MYO16: variants seen among roughly 807,000 people sequenced by gnomAD.
The protein encoded by MYO16 is myosin XVI.
Under a neutral mutation model 205.3 loss-of-function variants are expected in MYO16, and 94 were observed. The ratio of observed to expected loss-of-function variants is 0.46; its 90% CI spans 0.39 to 0.54. MYO16 has a LOEUF of 0.54. Among genes scored for constraint, MYO16 ranks in the 20% least tolerant of loss-of-function variants. MYO16 has a pLI of 0.00. For synonymous variants in MYO16, 988 were observed against 954.0 expected, an observed-to-expected ratio of 1.04 and a Z score of -0.66; for missense variants, 2,315 against 2,387.5, an observed-to-expected ratio of 0.97 and a Z score of 0.63.
At chr13:108,725,385 A>G (rs1304931374) in intron 3 of MYO16, among the ~76,000 whole-genome samples, 3 of 151,980 alleles carry the variant, frequency 2.0e-5, no homozygotes, top group Admixed American at 6.6e-5. Context: ...CTTGTTGGGT[A>G]TTCAATATTT....
rs117127410 is a variant in MYO16 at position 108,610,668 on chromosome 13, C to T, written c.-39+14429C>T. ...CTGCCATTTATAGTAAATCCTCCTTCTTATATTTGCTTTATTCTTGGCTGC... is the reference window on the plus strand; with the variant it reads ...CTGCCATTTATAGTAAATCCTCCTTTTTATATTTGCTTTATTCTTGGCTGC... On this transcript the variant is annotated intron_variant, in intron 1 of 24. Transcript: ENST00000251041. Among the ~76,000 whole-genome samples, 48 of 152,312 alleles carry T rather than the reference C, an allele frequency of 3.2e-4. 1 individual carries two copies. The East Asian group carries it at 8.9e-3, about 28-fold the overall frequency.
chr13:108,894,331 G>T (rs1248017675), intron 14 of MYO16, among the ~76,000 whole-genome samples: 2 of 152,146 alleles, frequency 1.3e-5, no homozygotes, highest in African/African-American at 4.8e-5. Context: ...CTTCATTGTA[G>T]TATTGTGCAG....
At chr13:109,177,874 AC>A (rs1325557839) in intron 33 of MYO16, among the ~76,000 whole-genome samples, 2 of 152,156 alleles carry the variant, frequency 1.3e-5, no homozygotes, top group Admixed American at 1.3e-4. Context: ...TTCTCCTGCC[AC>A]AGATCCCCTG....
intron 34 of MYO16, among the ~76,000 whole-genome samples, chr13:109,184,091 T>C (rs1368553514): frequency 2.6e-5 from 4 of 152,174 alleles, no homozygotes; most frequent in Admixed American, 2.6e-4. Context: ...GATAAAATAA[T>C]GAAATGTGGA....
chr13:108,897,988 T>C, intron 14 of MYO16, 28 bp from the exon 15 acceptor site: 3 of 1,498,972 alleles, frequency 2.0e-6, no homozygotes, highest in Non-Finnish European at 2.8e-6. Flanking sequence ...ATATGAGCAG[T>C]TCAGTAAAAT....
At chr13:108,920,435 T>C (rs1411970991) in intron 16 of MYO16, among the ~76,000 whole-genome samples, 1 of 151,710 alleles carries the variant, frequency 6.6e-6, no homozygotes, top group Non-Finnish European at 1.5e-5. Context: ...TCCTTCCCTG[T>C]CATCTCTTTC....
chr13:108,692,024 C>A (rs1882916683), intron 2 of MYO16, among the ~76,000 whole-genome samples: 1 of 152,190 alleles, frequency 6.6e-6, no homozygotes, highest in Admixed American at 6.5e-5. Flanking sequence ...GACTGAAAGA[C>A]ATCACTTCCA....
At chr13:108,537,907 G>A in the MYO16 span, among the ~76,000 whole-genome samples, 1 of 151,820 alleles carries the variant, frequency 6.6e-6, no homozygotes, top group Admixed American at 6.6e-5. Flanking sequence ...TAGACTGTGG[G>A]TATTAATCCT....
chr13:108,626,084 T>C (rs545169137), upstream of MYO16, among the ~76,000 whole-genome samples: 1 of 152,332 alleles, frequency 6.6e-6, no homozygotes, highest in African/African-American at 2.4e-5. Context: ...CATTGCAGTT[T>C]CTTTTTTTGT....
intron 24 of MYO16, among the ~76,000 whole-genome samples, chr13:109,047,243 C>A (rs570615414): frequency 1.1e-4 from 17 of 152,142 alleles, no homozygotes; most frequent in Non-Finnish European, 2.2e-4. Context: ...AATACCCTTA[C>A]TACTTTAGTG....
chr13:108,738,655 A>G (rs1452223696), intron 4 of MYO16, among the ~76,000 whole-genome samples: 1 of 152,088 alleles, frequency 6.6e-6, no homozygotes, highest in Admixed American at 6.6e-5. Context: ...TATTAGGTCC[A>G]CTTGGTGCAG....
At position 109,141,205 on chromosome 13, in the gene MYO16, A is replaced by G. The variant is rs756617718; in HGVS notation, c.4993A>G (p.Thr1665Ala). 5.0e-6 allele frequency: 8 copies of G among 1,606,238 alleles called. No homozygotes were observed. The highest frequency in any genetic ancestry group is 2.3e-5 in the East Asian group (1 of 43,630). Residue 1665 changes from threonine to alanine, a missense_variant, in exon 32 of 35, where the codon ACC (threonine) becomes GCC (alanine). Thr to Ala is a moderately conservative substitution (Grantham distance 58). This residue lies in a region of MYO16 where 1,097 missense variants were observed against 1,092.0 expected (regional missense o/e 1.00). Coordinates refer to ENST00000457511, the MANE Select transcript of MYO16 (RefSeq NM_001198950.3). The surrounding 1 kb of genome is among the most constrained non-coding windows in gnomAD (Gnocchi z 4.1). ...PKIPYSPVKA[T>A]RADARKAGSS... ...GATCCCATATTCCCCCGTGAAGGCC[A>G]CCAGGGCGGACGCCAGGAAGGCCGG... is the stretch of plus-strand genomic sequence containing the variant.
chr13:108,629,954 T>G (rs9284241), intron 1 of MYO16, 82 bp downstream of exon 1: 440,275 of 1,256,690 alleles, frequency 0.35, 79,556 homozygotes, highest in African/African-American at 0.51. Flanking sequence ...ATTAAGGCAG[T>G]TCTCCTGGTA....
At chr13:108,659,255 G>GATATATATATATCATATATATGATAGT (rs1566534069) in intron 1 of MYO16, 5 of 163,416 alleles carry the variant, frequency 3.1e-5, no homozygotes, top group African/African-American at 7.8e-5. Flanking sequence ...TGATATATAT[G>GATATATATATATCATATATATGATAGT]ATATATATAT....
At chr13:109,204,642 GA>G (rs1880526789) in intron 34 of MYO16, among the ~76,000 whole-genome samples, 3 of 152,200 alleles carry the variant, frequency 2.0e-5, no homozygotes, top group African/African-American at 7.2e-5. Context: ...CTTCTTTTGA[GA>G]ATTGTCTACT....
intron 34 of MYO16, among the ~76,000 whole-genome samples, chr13:109,190,240 C>T (rs1030052399): frequency 6.6e-6 from 1 of 152,100 alleles, no homozygotes; most frequent in Admixed American, 6.6e-5. Context: ...GGGATTTAAG[C>T]TACCTGGACT....
intron 32 of MYO16, among the ~76,000 whole-genome samples, chr13:109,144,716 A>G (rs1244051610): frequency 3.3e-5 from 5 of 152,130 alleles, no homozygotes; most frequent in Non-Finnish European, 5.9e-5. Context: ...TTTTTGTTCA[A>G]TTTTCATAGG....
chr13:108,763,975 C>T (rs540881227), intron 4 of MYO16, among the ~76,000 whole-genome samples: 2 of 152,072 alleles, frequency 1.3e-5, no homozygotes, highest in East Asian at 1.9e-4. Context: ...CCGATAAACT[C>T]GATTCAAAAG....
chr13:109,104,304 C>A (rs1318852235), intron 28 of MYO16, among the ~76,000 whole-genome samples: 1 of 152,138 alleles, frequency 6.6e-6, no homozygotes, highest in Non-Finnish European at 1.5e-5. Context: ...GGCACTTATA[C>A]CGTTTATTCA....
Sources: allele counts gnomAD v4.1 joint callset (sites outside exome capture counted in the v4.1 genomes callset), GRCh38; gene constraint gnomAD v4.1.1; regional missense constraint gnomAD v4.1.1; non-coding constraint Gnocchi (gnomAD v3.1); transcripts MANE v1.5; gene names NCBI Gene and HGNC (gene_info 2026-07-23, HGNC 2026-07-21).